TAF1B: variants seen among roughly 807,000 people sequenced by gnomAD.
TAF1B encodes the protein TATA-box binding protein associated factor, RNA polymerase I subunit B.
Under a neutral mutation model 83.9 loss-of-function variants are expected in TAF1B, and 61 were observed. That is an observed-to-expected ratio of 0.73 (90% CI 0.59 to 0.90). The LOEUF (loss-of-function observed/expected upper bound fraction) is 0.90. TAF1B is among the 40% of genes least tolerant of loss of function. The pLI, the probability that TAF1B is intolerant of heterozygous loss-of-function variation, is 0.00. For missense variants in TAF1B, 625 were observed against 677.0 expected (o/e 0.92, Z 0.85); for synonymous variants, 221 against 224.6 (o/e 0.98, Z 0.14).
chr2:9,888,461 TAGTACAGTTCTGCTGGC>T (rs1276627353), intron 8 of TAF1B, among the ~76,000 whole-genome samples: 1 of 152,196 alleles, frequency 6.6e-6, no homozygotes, highest in Non-Finnish European at 1.5e-5. Context: ...ACATTTCTTG[TAGTACAGTTCTGCTGGC>T]AGTGAATTAT....
chr2:9,870,968 T>C (rs922358103), intron 6 of TAF1B, among the ~76,000 whole-genome samples: 2 of 152,232 alleles, frequency 1.3e-5, no homozygotes, highest in Non-Finnish European at 2.9e-5. Context: ...ATCTTATGCA[T>C]TCTATCAGTT....
chr2:9,861,727 A>C (rs1024691561), intron 5 of TAF1B, among the ~76,000 whole-genome samples: 25 of 152,302 alleles, frequency 1.6e-4, no homozygotes, highest in Non-Finnish European at 3.4e-4. Flanking sequence ...TCACACGGCC[A>C]GGTACTCCTC....
At chr2:9,925,424 AGT>A (rs1189379230) in intron 14 of TAF1B, among the ~76,000 whole-genome samples, 1 of 152,018 alleles carries the variant, frequency 6.6e-6, no homozygotes, top group East Asian at 1.9e-4. Context: ...TGGGTGACAG[AGT>A]GAGACTCCGT....
At chr2:9,907,489 C>T (rs1259402876) in intron 9 of TAF1B, among the ~76,000 whole-genome samples, 1 of 152,018 alleles carries the variant, frequency 6.6e-6, no homozygotes, top group Non-Finnish European at 1.5e-5. Context: ...ACAATAGCCG[C>T]CCCTCCTCAA....
At chr2:9,872,738 T>TTG (rs1664204968) in intron 6 of TAF1B, among the ~76,000 whole-genome samples, 1 of 152,192 alleles carries the variant, frequency 6.6e-6, no homozygotes, top group Non-Finnish European at 1.5e-5. Context: ...ATACAAAAAA[T>TTG]TGTGTGTGTG....
At chr2:9,873,114 C>T (rs1432533241) in intron 6 of TAF1B, among the ~76,000 whole-genome samples, 3 of 152,206 alleles carry the variant, frequency 2.0e-5, no homozygotes, top group African/African-American at 7.2e-5. Context: ...GGGATGAAAT[C>T]TTCAAAGTAG....
At chr2:9,898,526 ATATC>A (rs773106171) in intron 8 of TAF1B, among the ~76,000 whole-genome samples, 5 of 152,212 alleles carry the variant, frequency 3.3e-5, no homozygotes, top group African/African-American at 9.6e-5. Context: ...TTTGGGAACT[ATATC>A]TATTGAGAAA....
intron 8 of TAF1B, among the ~76,000 whole-genome samples, chr2:9,899,127 C>T (rs1360268376): frequency 2.0e-5 from 3 of 152,116 alleles, no homozygotes; most frequent in Non-Finnish European, 2.9e-5. Context: ...CATCTTCCCA[C>T]GTTGAAACTC....
chr2:9,913,345 A>G (rs754154961), intron 12 of TAF1B, 96 bp downstream of exon 12: 1 of 932,776 alleles, frequency 1.1e-6, no homozygotes, highest in Non-Finnish European at 1.6e-6. Flanking sequence ...ACACTTATCT[A>G]CATTGTGACT....
rs56180231 is a variant in TAF1B at position 9,850,014 on chromosome 2, A to AAT, written c.205+567_205+568dup. On this transcript the variant is annotated intron_variant, in intron 3 of 14. Coordinates refer to ENST00000263663, the MANE Select transcript of TAF1B (RefSeq NM_005680.3). ...CTTTAAGGATACACACACATTAAAA[A>AAT]ATATATATATATATGTGTGTGTGTG... 4.6e-3 allele frequency among the ~76,000 whole-genome samples: 488 copies of AAT among 106,196 alleles called. 4 individuals are homozygous for AAT. The highest frequency in any genetic ancestry group is 0.014 in the African/African-American group (454 of 31,864). 69.7% of individuals were successfully genotyped at this position (106,196 alleles called of 152,430 possible). A position where few individuals can be genotyped will look rare whatever the true frequency, so the allele number is the denominator to read the frequency against.
chr2:9,930,740 C>T (rs190718058), intron 14 of TAF1B, among the ~76,000 whole-genome samples: 4 of 152,298 alleles, frequency 2.6e-5, no homozygotes, highest in Admixed American at 1.3e-4. Context: ...CCTTCTGTCT[C>T]GTTAATCTGT....
intron 5 of TAF1B, among the ~76,000 whole-genome samples, chr2:9,861,735 C>T (rs1572223068): frequency 1.3e-5 from 2 of 152,224 alleles, no homozygotes; most frequent in African/African-American, 4.8e-5. Flanking sequence ...CCAGGTACTC[C>T]TCTGAGACAA....
chr2:9,917,997 G>C lies in TAF1B; in HGVS notation c.1272-1044G>C, dbSNP rs76960827. Among the ~76,000 whole-genome samples, 4 of 149,632 alleles carry C rather than the reference G, an allele frequency of 2.7e-5. No individual in the cohort carries two copies. In the East Asian group the frequency reaches 7.9e-4, roughly 30 times the overall value. ...TGAGGCAGGAGAATGGCGTGAACCC[G>C]GGAGGCGGAGCTTGCAGTGAGCCGA... On this transcript the variant is annotated intron_variant, in intron 12 of 14. Coordinates refer to ENST00000263663, the MANE Select transcript of TAF1B (RefSeq NM_005680.3).
At chr2:9,851,450 C>G (rs551106322) in intron 3 of TAF1B, 91 bp from the exon 4 acceptor site, 1 of 989,440 alleles carries the variant, frequency 1.0e-6, no homozygotes. Flanking sequence ...AAATTCAAGT[C>G]GCAATGTGTA....
chr2:9,854,695 T>A (rs1019225712), intron 5 of TAF1B, among the ~76,000 whole-genome samples: 1 of 152,242 alleles, frequency 6.6e-6, no homozygotes, highest in Admixed American at 6.5e-5. Context: ...ATTTTCTAGA[T>A]AGAAGATAGT....
At chr2:9,845,174 G>C in intron 1 of TAF1B, 46 bp from the exon 2 acceptor site, 2 of 1,458,614 alleles carry the variant, frequency 1.4e-6, no homozygotes, top group Non-Finnish European at 1.9e-6. Flanking sequence ...ACGATGTATT[G>C]AATGTGGCTT....
chr2:9,847,726 G>T (rs1288198308), intron 2 of TAF1B, among the ~76,000 whole-genome samples: 1 of 152,172 alleles, frequency 6.6e-6, no homozygotes, highest in African/African-American at 2.4e-5. Flanking sequence ...ATTTAAAAAG[G>T]TGTAGGCTAG....
chr2:9,919,612 C>T lies in TAF1B; in HGVS notation c.1357C>T (p.Leu453=). The T allele has an allele frequency of 6.2e-7, 1 of 1,613,866 alleles. No individual in the cohort carries two copies. The highest frequency in any genetic ancestry group is 8.5e-7 in the Non-Finnish European group (1 of 1,179,912). Residue 453 remains leucine (L), a synonymous_variant, in exon 14 of 15, where the codon CTA becomes TTA. Coordinates refer to ENST00000263663, the MANE Select transcript of TAF1B (RefSeq NM_005680.3). ...TCCGGTTCCAGAAATGGTGGTGAAT[C>T]TACAGAAACAATTTAGCACACTGGT... ...AYKKREMVVN[L]QKQFSTLVES...
intron 7 of TAF1B, among the ~76,000 whole-genome samples, chr2:9,880,224 A>AGATTGAAACTTTG (rs1664457627): frequency 6.6e-6 from 1 of 152,142 alleles, no homozygotes; most frequent in South Asian, 2.1e-4. Flanking sequence ...AACCCATCAT[A>AGATTGAAACTTTG]GATTGAAACT....
Sources: allele counts gnomAD v4.1 joint callset (sites outside exome capture counted in the v4.1 genomes callset), GRCh38; gene constraint gnomAD v4.1.1; transcripts MANE v1.5; gene names NCBI Gene and HGNC (gene_info 2026-07-23, HGNC 2026-07-21).